RTN4: variants seen among roughly 807,000 people sequenced by gnomAD.
RTN4 encodes the protein reticulon 4.
A neutral mutation model predicts 90.4 loss-of-function variants in RTN4; 32 were observed. The observed-to-expected ratio is 0.35, with a 90% confidence interval of 0.27 to 0.48. The LOEUF (loss-of-function observed/expected upper bound fraction) is 0.48. RTN4 is among the 20% of genes least tolerant of loss of function. The probability of loss-of-function intolerance (pLI) is 0.99; values close to 1 mark genes in which losing one functional copy is unlikely to be tolerated. For synonymous variants in RTN4, 629 were observed against 552.5 expected (o/e 1.14, Z -1.94); for missense variants, 1,706 against 1,430.2 (o/e 1.19, Z -3.11).
intron 3 of RTN4, among the ~76,000 whole-genome samples, chr2:55,006,084 G>A (rs560403831): frequency 3.5e-4 from 53 of 152,130 alleles, no homozygotes; most frequent in Admixed American, 1.4e-3. Flanking sequence ...ATACTTAATG[G>A]AGGAAAAAGA....
At chr2:55,083,639 C>T (rs1309227299) in intron 1 of RTN4, among the ~76,000 whole-genome samples, 1 of 152,084 alleles carries the variant, frequency 6.6e-6, no homozygotes, top group Non-Finnish European at 1.5e-5. Flanking sequence ...TTAAATAATA[C>T]AAAATTAAGG....
intron 1 of RTN4, among the ~76,000 whole-genome samples, chr2:55,111,551 A>G (rs1668038262): frequency 6.6e-6 from 1 of 152,062 alleles, no homozygotes; most frequent in African/African-American, 2.4e-5. Context: ...TTGTTCCCCA[A>G]TCCAGGCCCA....
At chr2:55,077,955 C>T (rs928736433) in intron 2 of RTN4, among the ~76,000 whole-genome samples, 2 of 151,586 alleles carry the variant, frequency 1.3e-5, no homozygotes, top group African/African-American at 4.9e-5. Context: ...GGGAGCTAAG[C>T]TGTGAGGATG....
intron 3 of RTN4, among the ~76,000 whole-genome samples, chr2:55,021,466 CTTTT>C (rs3214741): frequency 2.1e-5 from 3 of 140,774 alleles, no homozygotes; most frequent in African/African-American, 7.9e-5. Context: ...TGCTTTTACA[CTTTT>C]TTTTTTTTTT....
chr2:55,024,158 C>T (rs1452241722), intron 3 of RTN4, among the ~76,000 whole-genome samples: 1 of 152,158 alleles, frequency 6.6e-6, no homozygotes, highest in Non-Finnish European at 1.5e-5. Context: ...GCCACCCATA[C>T]AAGTGCACAT....
At chr2:55,092,060 C>T (rs1195662707) in intron 1 of RTN4, among the ~76,000 whole-genome samples, 1 of 151,926 alleles carries the variant, frequency 6.6e-6, no homozygotes, top group Non-Finnish European at 1.5e-5. Context: ...CTTGGTGGCA[C>T]ATGCCTGTAG....
At chr2:55,002,637 G>A (rs1178008385) in intron 3 of RTN4, among the ~76,000 whole-genome samples, 1 of 152,126 alleles carries the variant, frequency 6.6e-6, no homozygotes, top group Non-Finnish European at 1.5e-5. Context: ...TTCTAATTTT[G>A]CACTCCTAGT....
At chr2:55,052,823 T>A (rs943638182), upstream of RTN4, among the ~76,000 whole-genome samples, 2 of 152,236 alleles carry the variant, frequency 1.3e-5, no homozygotes, top group African/African-American at 4.8e-5. Context: ...CTTCCCCGCA[T>A]GCTTTTCCCA....
chr2:55,020,703 A>G (rs1412018244), intron 3 of RTN4, among the ~76,000 whole-genome samples: 4 of 152,162 alleles, frequency 2.6e-5, no homozygotes, highest in African/African-American at 9.7e-5. Flanking sequence ...TGCCTACAAA[A>G]TGTCATTTTA....
intron 2 of RTN4, among the ~76,000 whole-genome samples, chr2:55,073,285 C>G (rs903971693): frequency 2.0e-5 from 3 of 152,176 alleles, no homozygotes; most frequent in Non-Finnish European, 4.4e-5. Flanking sequence ...AAATACCAAA[C>G]AACCAAGAGC....
In RTN4 at chr2:54,982,529, C is replaced by T. The variant is rs1258530256; in HGVS notation, c.3346G>A (p.Val1116Ile). Residue 1116 changes from valine (V) to isoleucine (I), a missense_variant, in exon 5 of 9, where the codon GTT becomes ATT. Coordinates refer to ENST00000337526, the MANE Select transcript of RTN4 (RefSeq NM_020532.5). ...LRRLFLVDDL[V>I]DSLKFAVLMW... Reference sequence around the variant, plus strand: ...AATAAACTTACCTTCAGAGAATCAACTAAATCATCAACTAAGAAGAGGCGC... The same window carrying T: ...AATAAACTTACCTTCAGAGAATCAATTAAATCATCAACTAAGAAGAGGCGC... 1 of 1,610,120 alleles carries T rather than the reference C, an allele frequency of 6.2e-7. No individual in the cohort carries two copies. The highest frequency in any genetic ancestry group is 1.3e-5 in the African/African-American group (1 of 74,688).
Position 54,972,985 on chromosome 2 carries a change from T to TCAAGA in RTN4, c.*166_*170dup, listed in dbSNP as rs1677229848. ...ACTTAAGATGATGAACACATGGCAG[T>TCAAGA]CAAGACAGGTAATTTTTCCTCACAA... On this transcript the variant is annotated 3_prime_UTR_variant, in exon 9 of 9. Coordinates refer to ENST00000337526, the MANE Select transcript of RTN4 (RefSeq NM_020532.5). 1 of 536,104 alleles carries TCAAGA rather than the reference T, an allele frequency of 1.9e-6. No homozygotes were observed. Among genetic ancestry groups the TCAAGA allele is most frequent in the African/African-American group, 1.9e-5 (1 of 53,150 alleles). The allele number at this position is 536,104 out of a possible 1,614,324, so 33.2% of individuals were successfully genotyped here. A position where few individuals can be genotyped will look rare whatever the true frequency, so the allele number is the denominator to read the frequency against.
At chr2:55,008,879 A>G (rs567272724) in intron 3 of RTN4, among the ~76,000 whole-genome samples, 1 of 152,300 alleles carries the variant, frequency 6.6e-6, no homozygotes, top group African/African-American at 2.4e-5. Context: ...GCTACCATAT[A>G]TCAATTCATC....
upstream of RTN4, among the ~76,000 whole-genome samples, chr2:55,054,489 T>C (rs1372155890): frequency 6.6e-6 from 1 of 152,260 alleles, no homozygotes; most frequent in East Asian, 1.9e-4. Context: ...TATAGTATTA[T>C]ACCTTATTTG....
At chr2:55,122,837 A>C in the RTN4 span, among the ~76,000 whole-genome samples, 1 of 152,244 alleles carries the variant, frequency 6.6e-6, no homozygotes, top group African/African-American at 2.4e-5. Context: ...CCATCTGCAC[A>C]AATAATAACT....
At chr2:55,126,234 T>G in the RTN4 span, among the ~76,000 whole-genome samples, 1 of 151,958 alleles carries the variant, frequency 6.6e-6, no homozygotes, top group South Asian at 2.1e-4. Context: ...TTGGGTGTGG[T>G]GGCGCATGCC....
intron 1 of RTN4, among the ~76,000 whole-genome samples, chr2:55,093,073 G>C (rs1668970155): frequency 6.6e-6 from 1 of 152,184 alleles, no homozygotes; most frequent in Non-Finnish European, 1.5e-5. Context: ...CAGAAGATAA[G>C]AGCCTTGCAT....
chr2:55,001,710 C>A (rs913476361), intron 3 of RTN4, among the ~76,000 whole-genome samples: 3 of 152,170 alleles, frequency 2.0e-5, no homozygotes, highest in East Asian at 1.9e-4. Context: ...GACAGTCCAA[C>A]AGGCACTTCA....
At position 55,042,693 on chromosome 2, in the gene RTN4, T is replaced by A. The variant is rs541350934; in HGVS notation, c.556+7052A>T. 2.6e-5 allele frequency among the ~76,000 whole-genome samples: 4 copies of A among 152,326 alleles called. No individual in the cohort carries two copies. In the South Asian group the frequency reaches 6.2e-4, roughly 24 times the overall value. On this transcript the variant is annotated intron_variant, in intron 1 of 8. Transcript: ENST00000337526. ...CTTTCGTAAGATTTGGGATTTTTAT[T>A]GAGAGAAGATATTATAGTAATTCTA...
Sources: allele counts gnomAD v4.1 joint callset (sites outside exome capture counted in the v4.1 genomes callset), GRCh38; gene constraint gnomAD v4.1.1; transcripts MANE v1.5; gene names NCBI Gene and HGNC (gene_info 2026-07-23, HGNC 2026-07-21).